Variants in ZNF276 observed in about 807,000 individuals in gnomAD.
The protein encoded by ZNF276 is zinc finger protein 276, also known as centromere protein Z.
A neutral mutation model predicts 63.9 loss-of-function variants in ZNF276; 59 were observed. The ratio of observed to expected loss-of-function variants is 0.92; its 90% confidence interval spans 0.75 to 1.15. The LOEUF (loss-of-function observed/expected upper bound fraction) is 1.15. Ranked by LOEUF, ZNF276 falls within the 50% of genes most tolerant of loss-of-function variation. The pLI, the probability that ZNF276 is intolerant of heterozygous loss-of-function variation, is 0.00. For synonymous variants in ZNF276, 496 were observed against 348.4 expected (o/e 1.42, Z -4.72); for missense variants, 1,084 against 843.8 (o/e 1.28, Z -3.53).
chr16:89,726,065 G>A (rs569037577), intron 4 of ZNF276, among the ~76,000 whole-genome samples: 2 of 152,172 alleles, frequency 1.3e-5, no homozygotes, highest in African/African-American at 2.4e-5. Flanking sequence ...GCCCAGGCTC[G>A]AGTGCAGTGG....
rs1488698920 is a variant in ZNF276 at position 89,737,698 on chromosome 16, C to G, written c.1475-108C>G. On this transcript the variant is annotated intron_variant, in intron 9 of 10. Coordinates refer to ENST00000443381, the MANE Select transcript of ZNF276 (RefSeq NM_001113525.2). ...TGCTTGGGCCCACTGCATGGTGAAC[C>G]ATGTGCAGAAATGTCTTCCCAGCTG... 1.7e-5 allele frequency: 27 copies of G among 1,576,260 alleles called. No individual in the cohort carries two copies. In the Admixed American group the frequency reaches 4.0e-4, roughly 24 times the overall value.
chr16:89,730,834 C>T (rs1270184833), intron 6 of ZNF276, among the ~76,000 whole-genome samples: 2 of 152,186 alleles, frequency 1.3e-5, no homozygotes, highest in Admixed American at 6.5e-5. Flanking sequence ...TCAACCCTGA[C>T]CTTGGAGTTC....
In ZNF276 at chr16:89,739,905, C is replaced by A. The variant is rs1184679344; in HGVS notation, c.*1659C>A. On this transcript the variant is annotated 3_prime_UTR_variant, in exon 11 of 11. Coordinates refer to ENST00000443381, the MANE Select transcript of ZNF276 (RefSeq NM_001113525.2). ...GCTTATAAACTTACTTAGCAAGGAACCTCAAGGAGGGCTCGTTCTTAACCA... is the reference window on the plus strand; with the variant it reads ...GCTTATAAACTTACTTAGCAAGGAAACTCAAGGAGGGCTCGTTCTTAACCA... 2 of 1,584,044 alleles carry A rather than the reference C, an allele frequency of 1.3e-6. No individual in the cohort carries two copies. Among genetic ancestry groups the A allele is most frequent in the Non-Finnish European group, 1.7e-6 (2 of 1,162,976 alleles).
In ZNF276 at chr16:89,723,861, C is replaced by T. The variant is rs1597968469; in HGVS notation, c.1006+152C>T. 5.8e-6 allele frequency: 5 copies of T among 859,268 alleles called. No homozygotes were observed. In the South Asian group the frequency reaches 7.2e-5, roughly 12 times the overall value. The allele number at this position is 859,268 out of a possible 1,614,324, so 53.2% of individuals were successfully genotyped here. A position where few individuals can be genotyped will look rare whatever the true frequency, so the allele number is the denominator to read the frequency against. ...AGCTTGGGGCTTCTGCCTGCGGCTG[C>T]TCACCACATCCAGAGAGCAGGGAGG... On this transcript the variant is annotated intron_variant, in intron 4 of 10. Transcript: ENST00000443381.
intron 9 of ZNF276, among the ~76,000 whole-genome samples, chr16:89,736,164 T>C (rs796112854): frequency 1.3e-5 from 2 of 152,302 alleles, no homozygotes; most frequent in African/African-American, 4.8e-5. Flanking sequence ...GTGCTGGGAT[T>C]ATAAGCGTGA....
At position 89,733,058 on chromosome 16, in the gene ZNF276, C is replaced by T. The variant is rs1005372614; in HGVS notation, c.1170-244C>T. The T allele has an allele frequency of 2.8e-5, 15 of 533,070 alleles. No individual in the cohort carries two copies. In the African/African-American group the frequency reaches 2.9e-4, roughly 10 times the overall value. The allele number at this position is 533,070 out of a possible 1,614,324, so 33.0% of individuals were successfully genotyped here. On this transcript the variant is annotated intron_variant, in intron 6 of 10. Transcript: ENST00000443381. ...CCCTGCTGTACCCTGCGCCCTCGCCCTCTGCTGTGTTCACCCCTGACCCTG... is the reference window on the plus strand; with the variant it reads ...CCCTGCTGTACCCTGCGCCCTCGCCTTCTGCTGTGTTCACCCCTGACCCTG...
chr16:89,733,284 G>C lies in ZNF276; in HGVS notation c.1170-18G>C, dbSNP rs780166209. On this transcript the variant is annotated intron_variant, in intron 6 of 10. Coordinates refer to ENST00000443381, the MANE Select transcript of ZNF276 (RefSeq NM_001113525.2). ...TGGAGATCAGAAACCATTGAATTTG[G>C]GAACCTCTTTTTTTCAGAGTCTCTG... 2 of 1,604,704 alleles carry C rather than the reference G, an allele frequency of 1.2e-6. No individual in the cohort carries two copies. The highest frequency in any genetic ancestry group is 2.7e-5 in the African/African-American group (2 of 74,192).
chr16:89,724,912 TTATC>T (rs1274106190), intron 4 of ZNF276, among the ~76,000 whole-genome samples: 9 of 152,354 alleles, frequency 5.9e-5, no homozygotes, highest in Non-Finnish European at 1.0e-4. Flanking sequence ...ATCTACCTAT[TTATC>T]TATTTATTTA....
rs374038064 is a variant in ZNF276 at position 89,734,010 on chromosome 16, G to C, written c.1446G>C (p.Leu482=). ...AGGTTTTCATGATCGACCGCTACCTGCAGCGCCACGTGAAGCTCATCCACA... is the reference window on the plus strand; with the variant it reads ...AGGTTTTCATGATCGACCGCTACCTCCAGCGCCACGTGAAGCTCATCCACA... ...CNKVFMIDRY[L]QRHVKLIHTE... is the part of the protein sequence containing the mutation. The change falls in exon 9 of 11, where the codon CTG becomes CTC. Residue 482 remains leucine (L), a synonymous_variant. Transcript: ENST00000443381. 1.2e-6 allele frequency: 2 copies of C among 1,613,942 alleles called. No homozygotes were observed. Among genetic ancestry groups the C allele is most frequent in the Non-Finnish European group, 1.7e-6 (2 of 1,180,034 alleles).
rs954720873 is a variant in ZNF276, at chr16:89,721,846, G to C, written c.205+1G>C. On this transcript the variant is annotated splice_donor_variant, in intron 1 of 10. Coordinates refer to ENST00000443381, the MANE Select transcript of ZNF276 (RefSeq NM_001113525.2). LOFTEE classifies it high-confidence loss of function. The stretch of plus-strand genomic sequence containing the variant: ...GGCGAGGACGGCGCGGACGAGGCAG[G>C]TGGGTCCGCGGCCCGGGCGTGGCGG... The C allele has an allele frequency of 8.3e-7, 1 of 1,209,218 alleles. No individual in the cohort carries two copies. The highest frequency in any genetic ancestry group is 1.0e-6 in the Non-Finnish European group (1 of 973,744). The allele number at this position is 1,209,218 out of a possible 1,614,324, so 74.9% of individuals were successfully genotyped here.
Position 89,740,639 on chromosome 16 carries a change from A to AC in ZNF276, c.*2393_*2394insC. 2 of 505,256 alleles carry AC rather than the reference A, an allele frequency of 4.0e-6. No homozygotes were observed. The highest frequency in any genetic ancestry group is 2.0e-5 in the African/African-American group (1 of 50,236). 31.3% of individuals were successfully genotyped at this position (505,256 alleles called of 1,614,324 possible). On this transcript the variant is annotated 3_prime_UTR_variant, in exon 11 of 11. Coordinates refer to ENST00000443381, the MANE Select transcript of ZNF276 (RefSeq NM_001113525.2). ...TGACAGAGTGAGACCCCCATCTCAA[A>AC]AAAAAAAAAAAAAAACCCACGGCCT... is the stretch of plus-strand genomic sequence containing the variant.
At position 89,738,214 on chromosome 16, in the gene ZNF276, G is replaced by A; in HGVS notation, c.1813G>A (p.Glu605Lys). The change falls in exon 11 of 11, where the codon GAG becomes AAG. Residue 605 changes from glutamate to lysine, a missense_variant. Coordinates refer to ENST00000443381, the MANE Select transcript of ZNF276 (RefSeq NM_001113525.2). ...GCCACCGAGCCCCTCTGTGACCACA[G>A]AGGGCCAGGCGGTGAAGCCCGAACC... ...PGPPSPSVTTEGQAVKPEPT is the reference protein window; with the variant it reads ...PGPPSPSVTTKGQAVKPEPT The A allele has an allele frequency of 1.2e-6, 2 of 1,610,190 alleles. No homozygotes were observed. Among genetic ancestry groups the A allele is most frequent in the African/African-American group, 1.3e-5 (1 of 74,958 alleles).
At chr16:89,737,060 AGTGAGATCTCTTTGTTCAAGG>A (rs2061945111) in intron 9 of ZNF276, among the ~76,000 whole-genome samples, 1 of 152,152 alleles carries the variant, frequency 6.6e-6, no homozygotes, top group African/African-American at 2.4e-5. Context: ...TGGACTAGCA[AGTGAGATCTCTTTGTTCAAGG>A]GTGTGAGAAA....
chr16:89,731,929 T>C (rs528911058), intron 6 of ZNF276: 1 of 152,376 alleles, frequency 6.6e-6, no homozygotes, highest in African/African-American at 2.4e-5. Flanking sequence ...GTTTTCTTTT[T>C]CTTGCCCAGT....
intron 9 of ZNF276, among the ~76,000 whole-genome samples, chr16:89,735,877 G>T (rs1037959735): frequency 1.5e-5 from 2 of 136,288 alleles, no homozygotes; most frequent in Middle Eastern, 3.5e-3. Flanking sequence ...ACCACGCCGG[G>T]GGTGTTTTTT....
At position 89,721,610 on chromosome 16, in the gene ZNF276, C is replaced by T; in HGVS notation, c.-31C>T. On this transcript the variant is annotated 5_prime_UTR_variant, in exon 1 of 11. Transcript: ENST00000443381. ...CTAGGAACCTCGGGCCGGGCAGCAC[C>T]CGCGGGATTCTGCTGGCGTCCTCCG... is the stretch of plus-strand genomic sequence containing the variant. The T allele has an allele frequency of 1.4e-6, 2 of 1,474,314 alleles. No individual in the cohort carries two copies. The highest frequency in any genetic ancestry group is 8.9e-7 in the Non-Finnish European group (1 of 1,118,236). 91.3% of individuals were successfully genotyped at this position (1,474,314 alleles called of 1,614,324 possible). A position where few individuals can be genotyped will look rare whatever the true frequency, so the allele number is the denominator to read the frequency against.
chr16:89,728,372 C>A (rs79155848), intron 5 of ZNF276, among the ~76,000 whole-genome samples: 32 of 151,580 alleles, frequency 2.1e-4, no homozygotes, highest in Non-Finnish European at 3.2e-4. Context: ...TTACAGGCGC[C>A]CGCCACCACA....
rs1247287264 is a variant in ZNF276 at position 89,740,626 on chromosome 16, A to AC, written c.*2385dup. ...ACTCCAGCCTGGGTGACAGAGTGAG[A>AC]CCCCCATCTCAAAAAAAAAAAAAAA... On this transcript the variant is annotated 3_prime_UTR_variant, in exon 11 of 11. Coordinates refer to ENST00000443381, the MANE Select transcript of ZNF276 (RefSeq NM_001113525.2). 1.8e-6 allele frequency: 1 copy of AC among 569,988 alleles called. No homozygotes were observed. Among genetic ancestry groups the AC allele is most frequent in the South Asian group, 2.0e-5 (1 of 49,476 alleles). 35.3% of individuals were successfully genotyped at this position (569,988 alleles called of 1,614,324 possible). A position where few individuals can be genotyped will look rare whatever the true frequency, so the allele number is the denominator to read the frequency against.
At position 89,723,508 on chromosome 16, in the gene ZNF276, C is replaced by T. The variant is rs142120600; in HGVS notation, c.805C>T (p.Pro269Ser). 1.2e-6 allele frequency: 2 copies of T among 1,612,780 alleles called. No homozygotes were observed. The highest frequency in any genetic ancestry group is 2.7e-5 in the African/African-American group (2 of 74,948). Residue 269 changes from proline to serine, a missense_variant, in exon 4 of 11, where the codon CCA becomes TCA. Pro to Ser is a moderately conservative substitution (Grantham distance 74). Coordinates refer to ENST00000443381, the MANE Select transcript of ZNF276 (RefSeq NM_001113525.2). ...VKWPWDKETA[P>S]RLPQHRGWNP... ...GTGGCCATGGGACAAAGAGACGGCGCCACGGCTGCCCCAGCACCGAGGGTG... is the reference window on the plus strand; with the variant it reads ...GTGGCCATGGGACAAAGAGACGGCGTCACGGCTGCCCCAGCACCGAGGGTG...
Sources: allele counts gnomAD v4.1 joint callset (sites outside exome capture counted in the v4.1 genomes callset), GRCh38; gene constraint gnomAD v4.1.1; transcripts MANE v1.5; gene names NCBI Gene and HGNC (gene_info 2026-07-23, HGNC 2026-07-21).